NUP188: variants seen among roughly 807,000 people sequenced by gnomAD.
The protein encoded by NUP188 is nucleoporin 188.
In NUP188, 97 loss-of-function variants were observed where a neutral mutation model predicts 223.0. The observed-to-expected ratio is 0.43, with a 90% CI of 0.37 to 0.51. The LOEUF is 0.51. Among genes scored for constraint, NUP188 ranks in the 20% least tolerant of loss-of-function variants. The pLI is 0.00. For synonymous variants in NUP188, 869 were observed against 828.0 expected (o/e 1.05, Z -0.85); for missense variants, 1,947 against 2,175.6 (o/e 0.89, Z 2.09).
Position 128,999,652 on chromosome 9 carries a change from G to C in NUP188, c.3690G>C (p.Leu1230=). ...GTGACATCCCCCAGTACTCCCAGCT[G>C]GTGCTGAATGTCTGTGAGACCCTCC... ...KVSDIPQYSQ[L]VLNVCETLQE... The change falls in exon 34 of 44, where the codon CTG becomes CTC. Residue 1230 remains leucine, a synonymous_variant. Transcript: ENST00000372577. 6.2e-7 allele frequency: 1 copy of C among 1,614,132 alleles called. No homozygotes were observed. Among genetic ancestry groups the C allele is most frequent in the Non-Finnish European group, 8.5e-7 (1 of 1,180,036 alleles).
At chr9:128,990,058 A>T (rs556516910) in intron 24 of NUP188, 62 bp from the exon 25 acceptor site, 3 of 1,262,630 alleles carry the variant, frequency 2.4e-6, no homozygotes, top group East Asian at 4.6e-5. Flanking sequence ...TTGAACAGTC[A>T]GTGCTCTAAG....
rs765457660 is a variant in NUP188 at position 129,006,582 on chromosome 9, G to A, written c.5154G>A (p.Pro1718=). The change falls in exon 44 of 44, where the codon CCG becomes CCA. Residue 1718 remains proline (P), a synonymous_variant. Coordinates refer to ENST00000372577, the MANE Select transcript of NUP188 (RefSeq NM_015354.3). ...CTGCCACTGGTGTCCTCCCCTCGCC[G>A]CAGGGCAAGTCCACCTCTCTCTCCA... is the stretch of plus-strand genomic sequence containing the variant. ...SSPATGVLPS[P]QGKSTSLSKA... is the part of the protein sequence containing the mutation. 20 of 1,614,034 alleles carry A rather than the reference G, an allele frequency of 1.2e-5. No individual in the cohort carries two copies. The highest frequency in any genetic ancestry group is 6.7e-5 in the African/African-American group (5 of 74,916).
intron 41 of NUP188, 28 bp downstream of exon 41, chr9:129,005,804 T>C (rs565829888): frequency 1.3e-6 from 2 of 1,564,286 alleles, no homozygotes; most frequent in South Asian, 2.4e-5. Context: ...GACACTGTCC[T>C]CTCCCCCCGG....
At chr9:128,994,800 C>T (rs1317803275) in intron 28 of NUP188, 56 bp from the exon 29 acceptor site, 1 of 1,394,518 alleles carries the variant, frequency 7.2e-7, no homozygotes, top group Non-Finnish European at 1.0e-6. Context: ...GTTTGATATA[C>T]TGGGGGAGAT....
intron 8 of NUP188, among the ~76,000 whole-genome samples, chr9:128,959,964 C>T (rs925993717): frequency 6.6e-6 from 1 of 151,752 alleles, no homozygotes; most frequent in Non-Finnish European, 1.5e-5. Context: ...TCATTTCTTA[C>T]CTAAAATTTG....
chr9:128,964,031 G>A (rs943421454), intron 8 of NUP188, among the ~76,000 whole-genome samples: 15 of 152,068 alleles, frequency 9.9e-5, no homozygotes, highest in Admixed American at 9.8e-4. Flanking sequence ...AGCCAGGATG[G>A]TCTCAATCTC....
chr9:128,983,182 TTA>T (rs1211504808), intron 17 of NUP188, 109 bp from the exon 18 acceptor site: 2 of 1,401,690 alleles, frequency 1.4e-6, no homozygotes, highest in African/African-American at 1.4e-5. Context: ...TTTCCTGTTT[TTA>T]TATGTCTGCT....
intron 19 of NUP188, among the ~76,000 whole-genome samples, chr9:128,984,076 C>T (rs1313919940): frequency 1.3e-5 from 2 of 150,398 alleles, no homozygotes; most frequent in African/African-American, 5.0e-5. Flanking sequence ...CCCGCCTTAG[C>T]CTCTCAAAGT....
In NUP188 at chr9:128,987,129, G is replaced by A. The variant is rs942349854; in HGVS notation, c.2264+254G>A. 6.8e-6 allele frequency among the ~76,000 whole-genome samples: 1 copy of A among 147,026 alleles called. No individual in the cohort carries two copies. Among genetic ancestry groups the A allele is most frequent in the Non-Finnish European group, 1.5e-5 (1 of 67,018 alleles). On this transcript the variant is annotated intron_variant, in intron 22 of 43. Coordinates refer to ENST00000372577, the MANE Select transcript of NUP188 (RefSeq NM_015354.3). ...TGTGTGTGTGTGTGTGTGTGTGTGT[G>A]TGTATGTGTATACATACACTAATAT... is the stretch of plus-strand genomic sequence containing the variant.
intron 2 of NUP188, among the ~76,000 whole-genome samples, chr9:128,949,903 A>G (rs1055448452): frequency 7.4e-5 from 11 of 148,664 alleles, no homozygotes; most frequent in Non-Finnish European, 1.6e-4. Context: ...TCCTGGGATA[A>G]CAGGCGTGAC....
At chr9:129,000,479 C>T (rs544226513) in intron 34 of NUP188, among the ~76,000 whole-genome samples, 27 of 151,760 alleles carry the variant, frequency 1.8e-4, no homozygotes, top group African/African-American at 6.3e-4. Flanking sequence ...CCACCACGCC[C>T]GGCTAACTTT....
chr9:128,966,089 C>T (rs573868056), intron 8 of NUP188, among the ~76,000 whole-genome samples: 42 of 151,340 alleles, frequency 2.8e-4, no homozygotes, highest in African/African-American at 9.2e-4. Flanking sequence ...ACCACCGCGC[C>T]CGGACTCTCT....
chr9:128,960,346 C>T (rs1259635821), intron 8 of NUP188, among the ~76,000 whole-genome samples: 2 of 151,988 alleles, frequency 1.3e-5, no homozygotes. Context: ...GCTGGGATTA[C>T]AGGCGTGAGC....
chr9:128,968,466 A>T, intron 8 of NUP188, 40 bp from the exon 9 acceptor site: 2 of 1,483,018 alleles, frequency 1.3e-6, no homozygotes, highest in East Asian at 2.3e-5. Flanking sequence ...TTTTAATCTC[A>T]TGTTATTTCT....
At chr9:129,000,492 G>A (rs1330311201) in intron 34 of NUP188, among the ~76,000 whole-genome samples, 1 of 151,574 alleles carries the variant, frequency 6.6e-6, no homozygotes, top group African/African-American at 2.4e-5. Flanking sequence ...CTAACTTTTT[G>A]TATTTTTCAT....
At chr9:128,987,196 C>A (rs1442626705) in intron 22 of NUP188, among the ~76,000 whole-genome samples, 1 of 150,842 alleles carries the variant, frequency 6.6e-6, no homozygotes, top group Non-Finnish European at 1.5e-5. Flanking sequence ...TCATTCCTGA[C>A]GAGACACTCT....
chr9:128,965,199 A>G (rs1842011354), intron 8 of NUP188, among the ~76,000 whole-genome samples: 1 of 152,078 alleles, frequency 6.6e-6, no homozygotes, highest in South Asian at 2.1e-4. Flanking sequence ...ATTTTCATCA[A>G]GTTTCTAACA....
intron 42 of NUP188, 24 bp downstream of exon 42, chr9:129,006,147 A>C: frequency 6.2e-7 from 1 of 1,614,106 alleles, no homozygotes; most frequent in Non-Finnish European, 8.5e-7. Context: ...CTGGGATTTG[A>C]TAAGGGGCTG....
At position 128,982,534 on chromosome 9, in the gene NUP188, ATC is replaced by A. The variant is rs1842270842; in HGVS notation, c.1517-13_1517-12del. ...TTATCCTCAGATATTAGACTAATTT[ATC>A]TTTCTCTCTCAGGGGGTCAAACCAA... is the stretch of plus-strand genomic sequence containing the variant. On this transcript the variant is annotated splice_polypyrimidine_tract_variant and intron_variant, in intron 15 of 43. Coordinates refer to ENST00000372577, the MANE Select transcript of NUP188 (RefSeq NM_015354.3). The A allele has an allele frequency of 1.9e-6, 3 of 1,600,150 alleles. No individual in the cohort carries two copies. In the East Asian group the frequency reaches 6.7e-5, roughly 36 times the overall value.
Sources: gnomAD v4.1 joint callset for allele counts (sites outside exome capture counted in the v4.1 genomes callset) on GRCh38, gnomAD v4.1.1 for gene constraint, MANE v1.5 for transcripts, NCBI Gene and HGNC (gene_info 2026-07-23, HGNC 2026-07-21) for gene names.